Variants in MCU observed in about 807,000 individuals in gnomAD.
The protein encoded by MCU is calcium uniporter protein, mitochondrial.
In MCU, 12 loss-of-function variants were observed where a neutral mutation model predicts 45.2. The observed-to-expected ratio is 0.27, with a 90% CI of 0.17 to 0.43. The LOEUF (loss-of-function observed/expected upper bound fraction) is 0.43. Among genes scored for constraint, MCU ranks in the 20% least tolerant of loss-of-function variants. The pLI is 1.00. For missense variants in MCU, 324 were observed against 436.7 expected, an observed-to-expected ratio of 0.74 and a Z score of 2.30; for synonymous variants, 160 against 165.1, an observed-to-expected ratio of 0.97 and a Z score of 0.24.
intron 1 of MCU, among the ~76,000 whole-genome samples, chr10:72,759,304 G>A (rs1272634904): frequency 1.3e-5 from 2 of 152,106 alleles, no homozygotes; most frequent in Non-Finnish European, 2.9e-5. Flanking sequence ...GGGGCTGCAT[G>A]CACTGGTAAT....
chr10:72,716,617 C>G (rs1307855352), intron 1 of MCU, among the ~76,000 whole-genome samples: 1 of 151,966 alleles, frequency 6.6e-6, no homozygotes, highest in African/African-American at 2.4e-5. Context: ...GGCGTGGTAG[C>G]TCACACATGT....
chr10:72,803,330 A>G (rs150602107), intron 1 of MCU, among the ~76,000 whole-genome samples: 38 of 151,160 alleles, frequency 2.5e-4, no homozygotes, highest in African/African-American at 8.7e-4. Context: ...CTGCTTGCCT[A>G]TTGTGATACT....
Position 72,804,173 on chromosome 10 carries a change from A to ACCT in MCU, c.151-30182_151-30180dup, listed in dbSNP as rs376215853. ...ACAGTCTTGGCTCACTGCAACCTCC[A>ACCT]CCTCCTGGGTTCAAGTGATTCTCGT... On this transcript the variant is annotated intron_variant, in intron 1 of 7. Coordinates refer to ENST00000373053, the MANE Select transcript of MCU (RefSeq NM_138357.3). Among the ~76,000 whole-genome samples, 941 of 147,280 alleles carry ACCT rather than the reference A, an allele frequency of 6.4e-3. 10 individuals carry two copies. The highest frequency in any genetic ancestry group is 0.022 in the African/African-American group (901 of 40,106).
chr10:72,724,277 A>G (rs1435159952), intron 1 of MCU, among the ~76,000 whole-genome samples: 1 of 152,184 alleles, frequency 6.6e-6, no homozygotes. Context: ...ATGTGGTACT[A>G]AACTTTCTGA....
chr10:72,869,491 G>T (rs1180507672), intron 5 of MCU, among the ~76,000 whole-genome samples: 3 of 152,224 alleles, frequency 2.0e-5, no homozygotes, highest in Non-Finnish European at 1.5e-5. Flanking sequence ...GGGAGGCTGA[G>T]GCACGAGAAT....
At chr10:72,763,845 A>G (rs1047141456) in intron 1 of MCU, among the ~76,000 whole-genome samples, 1 of 152,204 alleles carries the variant, frequency 6.6e-6, no homozygotes, top group African/African-American at 2.4e-5. Flanking sequence ...GAGTCATACC[A>G]TCAGAGATAG....
intron 1 of MCU, among the ~76,000 whole-genome samples, chr10:72,764,455 T>C (rs1449883743): frequency 6.6e-6 from 1 of 152,196 alleles, no homozygotes; most frequent in Non-Finnish European, 1.5e-5. Flanking sequence ...GAATTCTAGC[T>C]ATTTTGAAAG....
chr10:72,865,038 T>TA (rs1845432369), intron 4 of MCU, among the ~76,000 whole-genome samples: 1 of 152,212 alleles, frequency 6.6e-6, no homozygotes, highest in African/African-American at 2.4e-5. Context: ...TTCCATGTAT[T>TA]ATGTTGTCAA....
At chr10:72,860,332 A>G in intron 3 of MCU, 91 bp from the exon 4 acceptor site, 1 of 1,088,042 alleles carries the variant, frequency 9.2e-7, no homozygotes, top group Non-Finnish European at 1.4e-6. Context: ...AGGAAGAGGT[A>G]ATTTTTAAAA....
intron 2 of MCU, among the ~76,000 whole-genome samples, chr10:72,839,521 C>G (rs1434433539): frequency 3.3e-5 from 5 of 152,046 alleles, no homozygotes; most frequent in Non-Finnish European, 5.9e-5. Context: ...GCTTTCAAGG[C>G]TTATCCATGT....
Position 72,839,230 on chromosome 10 carries a change from TCCAC to T in MCU, c.220+4808_220+4811del. Reference sequence around the variant, plus strand: ...GTCTCGAACTCCTGACCTCAGGTGATCCACCCACCTCAGTCTCACAAAGTGCTGG... The same window carrying T: ...GTCTCGAACTCCTGACCTCAGGTGATCCACCTCAGTCTCACAAAGTGCTGG... On this transcript the variant is annotated intron_variant, in intron 2 of 7. Transcript: ENST00000373053. 1.3e-5 allele frequency among the ~76,000 whole-genome samples: 2 copies of T among 152,282 alleles called. 1 individual carries two copies. Among genetic ancestry groups the T allele is most frequent in the Middle Eastern group, 6.8e-3 (2 of 294 alleles).
At chr10:72,860,090 T>C (rs1845353456) in intron 3 of MCU, 1 of 204,212 alleles carries the variant, frequency 4.9e-6, no homozygotes, top group Non-Finnish European at 1.0e-5. Context: ...AATTTTTTTT[T>C]GACTCAACCA....
chr10:72,842,752 A>G lies in MCU; in HGVS notation c.220+8324A>G, dbSNP rs1005554265. On this transcript the variant is annotated intron_variant, in intron 2 of 7. Coordinates refer to ENST00000373053, the MANE Select transcript of MCU (RefSeq NM_138357.3). ...AATCCTTCAGGTTTTGTAAACATTT[A>G]TTTTTAAAATATGGCAATATGAAGA... Among the ~76,000 whole-genome samples, 28 of 151,944 alleles carry G rather than the reference A, an allele frequency of 1.8e-4. 1 individual carries two copies. The highest frequency in any genetic ancestry group is 4.1e-4 in the African/African-American group (17 of 41,518).
intron 2 of MCU, among the ~76,000 whole-genome samples, chr10:72,836,082 C>T (rs1336947845): frequency 2.0e-5 from 3 of 151,998 alleles, no homozygotes; most frequent in Non-Finnish European, 4.4e-5. Flanking sequence ...TGACTTACTC[C>T]ATTACCACTG....
chr10:72,741,142 C>A (rs1372060728), intron 1 of MCU, among the ~76,000 whole-genome samples: 2 of 149,360 alleles, frequency 1.3e-5, no homozygotes, highest in African/African-American at 2.5e-5. Context: ...CTCTGTCCCC[C>A]AGCCTGGAGT....
intron 1 of MCU, among the ~76,000 whole-genome samples, chr10:72,696,420 A>G (rs750568651): frequency 3.3e-5 from 5 of 151,978 alleles, no homozygotes; most frequent in Non-Finnish European, 5.9e-5. Context: ...ACTTTCAGGG[A>G]TAATTTCTAT....
At chr10:72,817,089 C>G (rs1844639303) in intron 1 of MCU, among the ~76,000 whole-genome samples, 1 of 152,134 alleles carries the variant, frequency 6.6e-6, no homozygotes, top group South Asian at 2.1e-4. Flanking sequence ...TTGGTAGTTT[C>G]CCTTCCACCT....
At chr10:72,792,374 T>C (rs929656066) in intron 1 of MCU, among the ~76,000 whole-genome samples, 1 of 152,196 alleles carries the variant, frequency 6.6e-6, no homozygotes, top group African/African-American at 2.4e-5. Flanking sequence ...GATTTGTGCT[T>C]AAGGAAGAGA....
intron 1 of MCU, among the ~76,000 whole-genome samples, chr10:72,741,508 A>G (rs1249214072): frequency 1.3e-5 from 2 of 152,258 alleles, no homozygotes; most frequent in Non-Finnish European, 2.9e-5. Context: ...GGATAAACAT[A>G]GAGAGACAGT....
Sources: allele counts gnomAD v4.1 joint callset (sites outside exome capture counted in the v4.1 genomes callset), GRCh38; gene constraint gnomAD v4.1.1; transcripts MANE v1.5; gene names NCBI Gene and HGNC (gene_info 2026-07-23, HGNC 2026-07-21).